NEGR1: variants seen among roughly 807,000 people sequenced by gnomAD.
The protein encoded by NEGR1 is neuronal growth regulator 1.
NEGR1 carries 10 observed loss-of-function variants against 40.9 expected under a neutral mutation model. The ratio of observed to expected loss-of-function variants is 0.24; its 90% CI spans 0.15 to 0.42. The LOEUF is 0.42. Ranked by LOEUF, NEGR1 falls within the 10% of genes least tolerant of loss-of-function variation. NEGR1 has a pLI of 1.00. For missense variants in NEGR1, 352 were observed against 438.9 expected, an observed-to-expected ratio of 0.80 and a Z score of 1.77; for synonymous variants, 185 against 166.8, an observed-to-expected ratio of 1.11 and a Z score of -0.84.
rs1247991687 is a variant in NEGR1 at position 72,088,784 on chromosome 1, T to TTC, written c.177-153475_177-153474dup. ...GACTGTAAAACAATGTATAATGTAG[T>TTC]TCTCTCTCTCTCTTTTTTTTTTTTT... On this transcript the variant is annotated intron_variant, in intron 1 of 6. Coordinates refer to ENST00000357731, the MANE Select transcript of NEGR1 (RefSeq NM_173808.3). 5.7e-3 allele frequency among the ~76,000 whole-genome samples: 781 copies of TTC among 136,392 alleles called. 21 individuals are homozygous for TTC. Among genetic ancestry groups the TTC allele is most frequent in the African/African-American group, 0.022 (742 of 34,364 alleles). 89.5% of individuals were successfully genotyped at this position (136,392 alleles called of 152,430 possible).
intron 1 of NEGR1, among the ~76,000 whole-genome samples, chr1:71,952,920 A>G (rs1646084455): frequency 6.6e-6 from 1 of 151,464 alleles, no homozygotes; most frequent in African/African-American, 2.4e-5. Context: ...CTTGATGCAC[A>G]GAATATTTTA....
chr1:72,143,805 T>C (rs1055558913), intron 1 of NEGR1, among the ~76,000 whole-genome samples: 1 of 147,556 alleles, frequency 6.8e-6, no homozygotes, highest in Non-Finnish European at 1.5e-5. Context: ...TATTTTAAAT[T>C]GAGCTGTGTC....
chr1:71,798,485 T>A (rs1657423003), intron 2 of NEGR1, among the ~76,000 whole-genome samples: 1 of 152,210 alleles, frequency 6.6e-6, no homozygotes, highest in Non-Finnish European at 1.5e-5. Flanking sequence ...ATAACTAGCA[T>A]TAATTATATC....
chr1:71,966,771 C>T (rs1291187759), intron 1 of NEGR1, among the ~76,000 whole-genome samples: 1 of 152,058 alleles, frequency 6.6e-6, no homozygotes, highest in Non-Finnish European at 1.5e-5. Flanking sequence ...TGATGACAGC[C>T]AATGCAGATG....
At chr1:71,630,301 A>G (rs1393739954) in intron 4 of NEGR1, among the ~76,000 whole-genome samples, 1 of 151,960 alleles carries the variant, frequency 6.6e-6, no homozygotes, top group Non-Finnish European at 1.5e-5. Context: ...GTTTGTTTAT[A>G]AACGATACAG....
At chr1:71,454,009 G>A (rs935116047) in intron 6 of NEGR1, among the ~76,000 whole-genome samples, 2 of 152,194 alleles carry the variant, frequency 1.3e-5, no homozygotes, top group African/African-American at 4.8e-5. Context: ...AACTGTCCCA[G>A]TGGTTTTACA....
chr1:71,977,168 C>CA (rs1255970630), intron 1 of NEGR1, among the ~76,000 whole-genome samples: 1 of 151,398 alleles, frequency 6.6e-6, no homozygotes, highest in African/African-American at 2.4e-5. Context: ...ACTAAAAATA[C>CA]AAAAAAAATT....
chr1:72,147,902 G>C (rs950485267), intron 1 of NEGR1, among the ~76,000 whole-genome samples: 1 of 152,152 alleles, frequency 6.6e-6, no homozygotes, highest in Non-Finnish European at 1.5e-5. Context: ...TGATGCAAGA[G>C]GTGGGTTCCC....
chr1:72,236,740 C>T (rs1355604278), intron 1 of NEGR1, among the ~76,000 whole-genome samples: 1 of 151,986 alleles, frequency 6.6e-6, no homozygotes. Context: ...GAACAAATCA[C>T]TTTAGTTGTC....
chr1:72,191,257 G>A (rs1177608663), intron 1 of NEGR1, among the ~76,000 whole-genome samples: 5 of 151,700 alleles, frequency 3.3e-5, no homozygotes, highest in Non-Finnish European at 7.4e-5. Flanking sequence ...TCATGAGAGT[G>A]TGGATTGATT....
At chr1:71,958,044 A>C (rs72935870) in intron 1 of NEGR1, among the ~76,000 whole-genome samples, 5,564 of 152,266 alleles carry the variant, frequency 0.037, 341 homozygotes, top group African/African-American at 0.13. Context: ...ACCTCTTTGA[A>C]GTTCCCTTTC....
At chr1:71,422,435 G>C (rs1483416231) in intron 6 of NEGR1, 1 of 152,190 alleles carries the variant, frequency 6.6e-6, no homozygotes, top group Non-Finnish European at 1.5e-5. Flanking sequence ...TCCTCAATTT[G>C]TCATAATCGT....
intron 6 of NEGR1, among the ~76,000 whole-genome samples, chr1:71,417,757 T>C (rs1259216458): frequency 6.6e-6 from 1 of 152,180 alleles, no homozygotes; most frequent in Non-Finnish European, 1.5e-5. Context: ...AAGTGAAGTG[T>C]TTATTGAAGT....
intron 1 of NEGR1, among the ~76,000 whole-genome samples, chr1:72,259,127 C>A (rs943225487): frequency 6.6e-6 from 1 of 152,218 alleles, no homozygotes; most frequent in South Asian, 2.1e-4. Flanking sequence ...TGTTTTATGA[C>A]CTGGTACTAT....
At chr1:72,060,036 C>T (rs1026698754) in intron 1 of NEGR1, among the ~76,000 whole-genome samples, 2 of 151,574 alleles carry the variant, frequency 1.3e-5, no homozygotes, top group African/African-American at 2.4e-5. Context: ...ATCTTGCAGT[C>T]CTCTGACAAA....
intron 2 of NEGR1, among the ~76,000 whole-genome samples, chr1:71,920,472 G>A (rs780361280): frequency 2.0e-4 from 30 of 152,110 alleles, no homozygotes; most frequent in Non-Finnish European, 3.7e-4. Flanking sequence ...AGCTGGGTAT[G>A]ATCCTACAGA....
At chr1:71,598,403 A>C (rs1388016136) in intron 5 of NEGR1, among the ~76,000 whole-genome samples, 1 of 152,156 alleles carries the variant, frequency 6.6e-6, no homozygotes, top group Non-Finnish European at 1.5e-5. Context: ...AAATGATACT[A>C]TCTGGATATA....
At chr1:72,207,471 T>C (rs1239113523) in intron 1 of NEGR1, among the ~76,000 whole-genome samples, 1 of 151,796 alleles carries the variant, frequency 6.6e-6, no homozygotes, top group Admixed American at 6.6e-5. Flanking sequence ...ACTTGGAGAA[T>C]TAAAATTTAG....
At chr1:71,756,984 A>C (rs1399853868) in intron 3 of NEGR1, among the ~76,000 whole-genome samples, 1 of 152,136 alleles carries the variant, frequency 6.6e-6, no homozygotes, top group Non-Finnish European at 1.5e-5. Context: ...AAATTTATGC[A>C]ATAATATTCT....
Sources: allele counts gnomAD v4.1 joint callset (sites outside exome capture counted in the v4.1 genomes callset), GRCh38; gene constraint gnomAD v4.1.1; transcripts MANE v1.5; gene names NCBI Gene and HGNC (gene_info 2026-07-23, HGNC 2026-07-21).